The following DPF1 variants were observed in gnomAD, a reference collection of about 807,000 sequenced individuals.
DPF1 encodes the protein double PHD fingers 1, also known as zinc finger protein neuro-d4.
Under a neutral mutation model 58.7 loss-of-function variants are expected in DPF1, and 14 were observed. The observed-to-expected ratio is 0.24, with a 90% CI of 0.16 to 0.37. The LOEUF is 0.37. DPF1 is among the 10% of genes least tolerant of loss of function. The pLI is 1.00. For missense variants in DPF1, 345 were observed against 529.9 expected (o/e 0.65, Z 3.43); for synonymous variants, 216 against 216.0 (o/e 1.00, Z 0.00).
chr19:38,224,010 A>G lies in DPF1; in HGVS notation c.29+104T>C. 7.5e-7 allele frequency: 1 copy of G among 1,333,934 alleles called. No individual in the cohort carries two copies. The highest frequency in any genetic ancestry group is 9.7e-7 in the Non-Finnish European group (1 of 1,035,810). The allele number at this position is 1,333,934 out of a possible 1,614,324, so 82.6% of individuals were successfully genotyped here. A position where few individuals can be genotyped will look rare whatever the true frequency, so the allele number is the denominator to read the frequency against. ...CCCGCGCAGCCCCGCACTCGGTGAC[A>G]GCCCCCCAGACACCCCTTCGGCCCC... On this transcript the variant is annotated intron_variant, in intron 1 of 11. Coordinates refer to ENST00000355526, the MANE Select transcript of DPF1 (RefSeq NM_001135155.3). This position sits in a 1 kb window ranked among gnomAD's most constrained non-coding sequence, Gnocchi z 4.5.
rs561390958 is a variant in DPF1 at position 38,216,243 on chromosome 19, G to A, written c.795C>T (p.Asp265=). 2.1e-5 allele frequency: 34 copies of A among 1,614,132 alleles called. No homozygotes were observed. Among genetic ancestry groups the A allele is most frequent in the East Asian group, 6.7e-5 (3 of 44,892 alleles). Residue 265 remains aspartate (D), a synonymous_variant, in exon 9 of 12, where the codon GAC becomes GAT. Coordinates refer to ENST00000355526, the MANE Select transcript of DPF1 (RefSeq NM_001135155.3). ...AGTAGCCGTTGGGGATGACAGTGCCGTCGGGCGCCTTCTTGGCTGCAAGAC... is the reference window on the plus strand; with the variant it reads ...AGTAGCCGTTGGGGATGACAGTGCCATCGGGCGCCTTCTTGGCTGCAAGAC... The part of the protein sequence containing the change: ...QRKHTAKKAP[D]GTVIPNGYCD...
Position 38,219,069 on chromosome 19 carries a change from G to A in DPF1, c.299-11C>T, listed in dbSNP as rs1353069719. ...GGGGTGCTTCACAGTCTGGGGACAG[G>A]GCCATGGGGGGGTCAGATGGGGAAG... On this transcript the variant is annotated splice_polypyrimidine_tract_variant and intron_variant, in intron 3 of 11. Transcript: ENST00000355526. 1.9e-6 allele frequency: 3 copies of A among 1,613,334 alleles called. No homozygotes were observed. The highest frequency in any genetic ancestry group is 3.3e-5 in the Admixed American group (2 of 59,970).
intron 6 of DPF1, 21 bp from the exon 7 acceptor site, chr19:38,217,612 G>A: frequency 6.5e-7 from 1 of 1,540,146 alleles, no homozygotes; most frequent in Non-Finnish European, 8.8e-7. Context: ...AGCGAGCCAG[G>A]AGGGCCTGTC....
intron 11 of DPF1, 43 bp downstream of exon 11, chr19:38,212,237 T>TGGGGGGGGGGGGGGGCCCCCCCC: frequency 1.6e-6 from 2 of 1,256,816 alleles, no homozygotes; most frequent in Non-Finnish European, 2.2e-6. Flanking sequence ...GGAGATGGCG[T>TGGGGGGGGGGGGGGGCCCCCCCC]TCCCACCCAC....
chr19:38,211,501 A>T lies in DPF1; in HGVS notation c.*562T>A, dbSNP rs960595644. The T allele has an allele frequency of 9.2e-5, 14 of 152,478 alleles. No individual in the cohort carries two copies. The highest frequency in any genetic ancestry group is 3.4e-4 in the African/African-American group (14 of 41,474). 9.4% of individuals were successfully genotyped at this position (152,478 alleles called of 1,614,324 possible). On this transcript the variant is annotated 3_prime_UTR_variant, in exon 12 of 12. Coordinates refer to ENST00000355526, the MANE Select transcript of DPF1 (RefSeq NM_001135155.3). The surrounding 1 kb of genome is among the most constrained non-coding windows in gnomAD (Gnocchi z 4.0). ...GCACCAGGAGGGGCGGGTGGACACC[A>T]CGCCCACCGCCCTGGGCACAAGAGG... is the stretch of plus-strand genomic sequence containing the variant.
Position 38,211,881 on chromosome 19 carries a change from C to A in DPF1, c.*182G>T. The A allele has an allele frequency of 3.1e-6, 2 of 647,590 alleles. No homozygotes were observed. Among genetic ancestry groups the A allele is most frequent in the Non-Finnish European group, 5.3e-6 (2 of 380,356 alleles). 40.1% of individuals were successfully genotyped at this position (647,590 alleles called of 1,614,324 possible). On this transcript the variant is annotated 3_prime_UTR_variant, in exon 12 of 12. Coordinates refer to ENST00000355526, the MANE Select transcript of DPF1 (RefSeq NM_001135155.3). The surrounding 1 kb of genome is among the most constrained non-coding windows in gnomAD (Gnocchi z 4.0). Reference sequence around the variant, plus strand: ...GAGGGAGGGAGGGAGAGGCCCTGGCCGGGCCCACCCACCCACAGGGCAGAC... The same window carrying A: ...GAGGGAGGGAGGGAGAGGCCCTGGCAGGGCCCACCCACCCACAGGGCAGAC...
At chr19:38,224,246 A>G, upstream of DPF1, 1 of 1,268,702 alleles carries the variant, frequency 7.9e-7, no homozygotes, top group Non-Finnish European at 9.9e-7. The surrounding 1 kb of genome is among the most constrained non-coding windows in gnomAD (Gnocchi z 4.5). Flanking sequence ...GGGGGGCGGG[A>G]GCACGAGGGC....
chr19:38,211,775 C>A lies in DPF1; in HGVS notation c.*288G>T, dbSNP rs973404719. 1 of 482,136 alleles carries A rather than the reference C, an allele frequency of 2.1e-6. No individual in the cohort carries two copies. The highest frequency in any genetic ancestry group is 3.7e-6 in the Non-Finnish European group (1 of 272,828). 29.9% of individuals were successfully genotyped at this position (482,136 alleles called of 1,614,324 possible). Reference sequence around the variant, plus strand: ...GTCCATGCCCCTGGCTGGCACCCACCACCCCCCATGCCCGCCCAGAGGCGG... The same window carrying A: ...GTCCATGCCCCTGGCTGGCACCCACAACCCCCCATGCCCGCCCAGAGGCGG... On this transcript the variant is annotated 3_prime_UTR_variant, in exon 12 of 12. Transcript: ENST00000355526. This position sits in a 1 kb window ranked among gnomAD's most constrained non-coding sequence, Gnocchi z 4.0.
chr19:38,216,065 C>G, intron 9 of DPF1, 75 bp downstream of exon 9: 1 of 1,530,994 alleles, frequency 6.5e-7, no homozygotes, highest in Non-Finnish European at 8.8e-7. Context: ...ACCGCCTTGC[C>G]TCCCTCCCTC....
Position 38,224,024 on chromosome 19 carries a change from C to T in DPF1, c.29+90G>A, listed in dbSNP as rs1967692009. On this transcript the variant is annotated intron_variant, in intron 1 of 11. Coordinates refer to ENST00000355526, the MANE Select transcript of DPF1 (RefSeq NM_001135155.3). This position sits in a 1 kb window ranked among gnomAD's most constrained non-coding sequence, Gnocchi z 4.5. ...CACTCGGTGACAGCCCCCCAGACACCCCTTCGGCCCCACCCCCGGTCGCCA... is the reference window on the plus strand; with the variant it reads ...CACTCGGTGACAGCCCCCCAGACACTCCTTCGGCCCCACCCCCGGTCGCCA... The T allele has an allele frequency of 2.9e-6, 4 of 1,398,288 alleles. No individual in the cohort carries two copies. The highest frequency in any genetic ancestry group is 3.7e-6 in the Non-Finnish European group (4 of 1,080,050). The allele number at this position is 1,398,288 out of a possible 1,614,324, so 86.6% of individuals were successfully genotyped here. A position where few individuals can be genotyped will look rare whatever the true frequency, so the allele number is the denominator to read the frequency against.
Position 38,224,084 on chromosome 19 carries a change from T to C in DPF1, c.29+30A>G. On this transcript the variant is annotated intron_variant, in intron 1 of 11. Coordinates refer to ENST00000355526, the MANE Select transcript of DPF1 (RefSeq NM_001135155.3). The surrounding 1 kb of genome is among the most constrained non-coding windows in gnomAD (Gnocchi z 4.5). ...AGGCCCGCGTAGACCCGCCCGCGCTTCCTCTCCGCCTCCCGCCGGCCCGCA... is the reference window on the plus strand; with the variant it reads ...AGGCCCGCGTAGACCCGCCCGCGCTCCCTCTCCGCCTCCCGCCGGCCCGCA... The C allele has an allele frequency of 6.7e-7, 1 of 1,496,978 alleles. No individual in the cohort carries two copies. Among genetic ancestry groups the C allele is most frequent in the Non-Finnish European group, 8.8e-7 (1 of 1,135,664 alleles). The allele number at this position is 1,496,978 out of a possible 1,614,324, so 92.7% of individuals were successfully genotyped here.
rs1335296017 is a variant in DPF1, at chr19:38,221,613, C to G, written c.298+744G>C. 2.0e-5 allele frequency among the ~76,000 whole-genome samples: 3 copies of G among 151,920 alleles called. No individual in the cohort carries two copies. The South Asian group carries it at 6.2e-4, about 32-fold the overall frequency. On this transcript the variant is annotated intron_variant, in intron 3 of 11. Coordinates refer to ENST00000355526, the MANE Select transcript of DPF1 (RefSeq NM_001135155.3). ...AAGGGACACAGTCAGCAACTCCATA[C>G]ACCCACACACACCTAACAGATATCA...
At position 38,220,743 on chromosome 19, in the gene DPF1, G is replaced by A. The variant is rs769397866; in HGVS notation, c.298+1614C>T. Among the ~76,000 whole-genome samples, 4 of 152,044 alleles carry A rather than the reference G, an allele frequency of 2.6e-5. No individual in the cohort carries two copies. The South Asian group carries it at 8.3e-4, about 32-fold the overall frequency. On this transcript the variant is annotated intron_variant, in intron 3 of 11. Transcript: ENST00000355526. ...CTTGGACACATAGCGGGGAGATACC[G>A]ACATACTCAGGGAGAATCACTCAGC...
upstream of DPF1, among the ~76,000 whole-genome samples, chr19:38,225,574 GCAAA>G (rs113225836): frequency 5.9e-4 from 88 of 148,600 alleles, no homozygotes; most frequent in African/African-American, 1.2e-3. Context: ...GTCTCTAAAA[GCAAA>G]CAAACAAACA....
intron 3 of DPF1, among the ~76,000 whole-genome samples, chr19:38,220,124 G>C (rs909521031): frequency 4.6e-5 from 7 of 150,832 alleles, no homozygotes; most frequent in Non-Finnish European, 7.4e-5. Flanking sequence ...GGATGCGGAG[G>C]TTGCAGTGAG....
Position 38,219,061 on chromosome 19 carries a change from G to A in DPF1, c.299-3C>T, listed in dbSNP as rs2146177774. On this transcript the variant is annotated splice_region_variant and splice_polypyrimidine_tract_variant and intron_variant, in intron 3 of 11. Coordinates refer to ENST00000355526, the MANE Select transcript of DPF1 (RefSeq NM_001135155.3). Reference sequence around the variant, plus strand: ...CTTCTTCAGGGGTGCTTCACAGTCTGGGGACAGGGCCATGGGGGGGTCAGA... The same window carrying A: ...CTTCTTCAGGGGTGCTTCACAGTCTAGGGACAGGGCCATGGGGGGGTCAGA... The A allele has an allele frequency of 6.2e-6, 10 of 1,613,826 alleles. No homozygotes were observed. The highest frequency in any genetic ancestry group is 8.5e-6 in the Non-Finnish European group (10 of 1,180,006).
chr19:38,216,438 C>T, intron 7 of DPF1, 35 bp from the exon 8 acceptor site: 2 of 1,550,526 alleles, frequency 1.3e-6, no homozygotes, highest in South Asian at 1.3e-5. Context: ...GGACTCTCAC[C>T]ACAGGCAAGG....
At position 38,219,302 on chromosome 19, in the gene DPF1, G is replaced by T. The variant is rs192560776; in HGVS notation, c.299-244C>A. ...GATACACCAGAAAGCCTCAGAAAAA[G>T]ACACAGTTAGGCCATCAGGCACACC... On this transcript the variant is annotated intron_variant, in intron 3 of 11. Transcript: ENST00000355526. 28 of 546,524 alleles carry T rather than the reference G, an allele frequency of 5.1e-5. No individual in the cohort carries two copies. The African/African-American group carries it at 5.3e-4, about 10-fold the overall frequency. 33.9% of individuals were successfully genotyped at this position (546,524 alleles called of 1,614,324 possible). A position where few individuals can be genotyped will look rare whatever the true frequency, so the allele number is the denominator to read the frequency against.
chr19:38,224,254 G>T, upstream of DPF1: 1 of 1,264,088 alleles, frequency 7.9e-7, no homozygotes, highest in Non-Finnish European at 1.0e-6. This position sits in a 1 kb window ranked among gnomAD's most constrained non-coding sequence, Gnocchi z 4.5. Flanking sequence ...GGAGCACGAG[G>T]GCCACGGCCA....
Sources: gnomAD v4.1 joint callset for allele counts (sites outside exome capture counted in the v4.1 genomes callset) on GRCh38, gnomAD v4.1.1 for gene constraint, Gnocchi (gnomAD v3.1) non-coding constraint, MANE v1.5 for transcripts, NCBI Gene and HGNC (gene_info 2026-07-23, HGNC 2026-07-21) for gene names.